ADGRG4: variants seen among roughly 807,000 people sequenced by gnomAD.
The protein encoded by ADGRG4 is adhesion G protein-coupled receptor G4.
ADGRG4 carries 122 observed loss-of-function variants against 126.2 expected under a neutral mutation model. The observed-to-expected ratio is 0.97, with a 90% CI of 0.83 to 1.12. The LOEUF is 1.12. Ranked by LOEUF, ADGRG4 falls within the 50% of genes most tolerant of loss-of-function variation. The pLI, the probability that ADGRG4 is intolerant of heterozygous loss-of-function variation, is 0.00. For synonymous variants in ADGRG4, 943 were observed against 838.7 expected (o/e 1.12, Z -2.15); for missense variants, 2,481 against 2,251.8 (o/e 1.10, Z -2.06).
chrX:136,325,751 C>T (rs777984178), intron 5 of ADGRG4, among the ~76,000 whole-genome samples: 1 of 103,047 alleles, frequency 9.7e-6, no homozygotes, highest in Non-Finnish European at 2.0e-5. Flanking sequence ...CGCTGCGACA[C>T]CCAGGCTGGA....
chrX:136,403,645 A>G (rs1378254738), intron 22 of ADGRG4, among the ~76,000 whole-genome samples: 1 of 112,291 alleles, frequency 8.9e-6, no homozygotes, highest in Non-Finnish European at 1.9e-5. Context: ...TATGCTGTGT[A>G]ACTGGCAGGT....
At chrX:136,315,001 C>G (rs1195070585) in intron 4 of ADGRG4, among the ~76,000 whole-genome samples, 1 of 111,650 alleles carries the variant, frequency 9.0e-6, no homozygotes, top group Non-Finnish European at 1.9e-5. Flanking sequence ...GAACTCTTGG[C>G]AGGCCACAAA....
intron 5 of ADGRG4, among the ~76,000 whole-genome samples, chrX:136,333,109 A>G (rs977729787): frequency 1.8e-5 from 2 of 111,657 alleles, no homozygotes; most frequent in African/African-American, 6.5e-5. Flanking sequence ...TATTTAATAA[A>G]TGGTGCTGGG....
intron 23 of ADGRG4, among the ~76,000 whole-genome samples, chrX:136,407,864 G>A (rs2075423914): frequency 1.8e-5 from 2 of 111,836 alleles, no homozygotes; most frequent in African/African-American, 3.3e-5. Flanking sequence ...TCTCTGGATA[G>A]AACTGTCTGG....
intron 3 of ADGRG4, 138 bp from the exon 4 acceptor site, chrX:136,308,631 T>C: frequency 6.1e-6 from 3 of 492,750 alleles, no homozygotes; most frequent in Non-Finnish European, 1.1e-5. Context: ...ATGCCTATCA[T>C]GTGGTTGGCT....
intron 21 of ADGRG4, 32 bp downstream of exon 21, chrX:136,400,148 A>G: frequency 9.4e-7 from 1 of 1,063,502 alleles, no homozygotes; most frequent in Non-Finnish European, 1.3e-6. Flanking sequence ...TTTGATATTT[A>G]TGTCTTAAGT....
At chrX:136,386,829 C>T (rs1183714198) in intron 15 of ADGRG4, among the ~76,000 whole-genome samples, 1 of 112,165 alleles carries the variant, frequency 8.9e-6, no homozygotes, top group African/African-American at 3.2e-5. Context: ...AATACTATTA[C>T]CAATCAACTC....
At chrX:136,404,039 C>T (rs1410619942) in intron 22 of ADGRG4, among the ~76,000 whole-genome samples, 1 of 111,062 alleles carries the variant, frequency 9.0e-6, no homozygotes, top group African/African-American at 3.3e-5. Context: ...CATTGCCTCT[C>T]AAGTTCTCTT....
At chrX:136,301,483 A>G (rs983177640) in intron 1 of ADGRG4, among the ~76,000 whole-genome samples, 2 of 111,962 alleles carry the variant, frequency 1.8e-5, no homozygotes, top group African/African-American at 6.5e-5. Context: ...GATTCTGGAT[A>G]TTAGCCCTTT....
rs1263172124 is a variant in ADGRG4 at position 136,347,133 on chromosome X, C to T, written c.3427C>T (p.Leu1143Phe). 3 of 1,210,941 alleles carry T rather than the reference C, an allele frequency of 2.5e-6. No individual in the cohort carries two copies. The highest frequency in any genetic ancestry group is 2.2e-6 in the Non-Finnish European group (2 of 894,972). Reference sequence around the variant, plus strand: ...TACAGTAACCCCATCTACACACACTCTTGTCTGCTCAAAACCTCCCCCTGA... The same window carrying T: ...TACAGTAACCCCATCTACACACACTTTTGTCTGCTCAAAACCTCCCCCTGA... Reference protein sequence around the residue: ...VDTVTPSTHTLVCSKPPPDNI... With the variant: ...VDTVTPSTHTFVCSKPPPDNI... Residue 1143 changes from leucine to phenylalanine, a missense_variant, in exon 6 of 26, where the codon CTT becomes TTT. Physicochemically the swap from Leu to Phe is conservative, Grantham distance 22. Transcript: ENST00000394143.
chrX:136,350,200 C>T lies in ADGRG4; in HGVS notation c.6494C>T (p.Pro2165Leu), dbSNP rs763627658. Reference sequence around the variant, plus strand: ...AACAGAATTCCAACTGCATCATCACCCTCTACTTTAATTATTCCTAAGCCC... The same window carrying T: ...AACAGAATTCCAACTGCATCATCACTCTCTACTTTAATTATTCCTAAGCCC... The part of the protein sequence containing the change: ...SWNRIPTASS[P>L]STLIIPKPTL... The change falls in exon 6 of 26, where the codon CCC becomes CTC. Residue 2165 changes from proline to leucine, a missense_variant. Pro to Leu is a moderately conservative substitution (Grantham distance 98, BLOSUM62 -3). Coordinates refer to ENST00000394143, the MANE Select transcript of ADGRG4 (RefSeq NM_153834.4). 1 of 1,207,201 alleles carries T rather than the reference C, an allele frequency of 8.3e-7. No homozygotes were observed. Among genetic ancestry groups the T allele is most frequent in the East Asian group, 3.0e-5 (1 of 33,720 alleles).
chrX:136,310,014 A>G (rs1269741792), intron 4 of ADGRG4, among the ~76,000 whole-genome samples: 1 of 111,654 alleles, frequency 9.0e-6, no homozygotes, highest in African/African-American at 3.3e-5. Context: ...AGGGCATGGT[A>G]TAGAGCAATC....
At chrX:136,335,959 GT>G (rs1266183562) in intron 5 of ADGRG4, among the ~76,000 whole-genome samples, 1 of 108,984 alleles carries the variant, frequency 9.2e-6, no homozygotes, top group Non-Finnish European at 1.9e-5. Context: ...TGAGATTATT[GT>G]TTTGAGATAT....
chrX:136,395,823 A>G (rs2075344035), intron 19 of ADGRG4, among the ~76,000 whole-genome samples: 1 of 111,932 alleles, frequency 8.9e-6, no homozygotes, highest in Admixed American at 9.5e-5. Flanking sequence ...TTTTATAAAC[A>G]TGGTATCAAA....
intron 5 of ADGRG4, among the ~76,000 whole-genome samples, chrX:136,338,926 G>A (rs1348328049): frequency 1.8e-5 from 2 of 111,512 alleles, no homozygotes; most frequent in Non-Finnish European, 3.8e-5. Context: ...AATTTTTATA[G>A]TCTTTGTGAT....
intron 5 of ADGRG4, 138 bp from the exon 6 acceptor site, chrX:136,344,254 G>A (rs1164569405): frequency 1.6e-5 from 7 of 450,278 alleles, no homozygotes; most frequent in Non-Finnish European, 2.2e-5. Flanking sequence ...TTATCTTAAG[G>A]AAAATCAAGT....
At chrX:136,382,645 A>T in intron 15 of ADGRG4, among the ~76,000 whole-genome samples, 1 of 111,856 alleles carries the variant, frequency 8.9e-6, no homozygotes, top group Non-Finnish European at 1.9e-5. Context: ...ATCACAGGGC[A>T]TGGTAATTCT....
intron 4 of ADGRG4, among the ~76,000 whole-genome samples, chrX:136,311,429 A>G (rs1464347741): frequency 1.8e-5 from 2 of 109,162 alleles, no homozygotes; most frequent in African/African-American, 3.3e-5. Flanking sequence ...ACACACACAC[A>G]CGCTCACACC....
chrX:136,344,384 T>A lies in ADGRG4; in HGVS notation c.686-8T>A. 8.9e-7 allele frequency: 1 copy of A among 1,120,078 alleles called. No homozygotes were observed. Among genetic ancestry groups the A allele is most frequent in the East Asian group, 3.0e-5 (1 of 32,826 alleles). 92.3% of individuals were successfully genotyped at this position (1,120,078 alleles called of 1,213,427 possible). On this transcript the variant is annotated splice_polypyrimidine_tract_variant and splice_region_variant and intron_variant, in intron 5 of 25. Transcript: ENST00000394143. ...TCCAAAATAACACATTCTTTCTGAT[T>A]TTTTTAGTTGTTCCTGAAAATATGA...
Sources: gnomAD v4.1 joint callset for allele counts (sites outside exome capture counted in the v4.1 genomes callset) on GRCh38, gnomAD v4.1.1 for gene constraint, MANE v1.5 for transcripts, NCBI Gene and HGNC (gene_info 2026-07-23, HGNC 2026-07-21) for gene names.